Variants in SLC22A23 observed in about 807,000 individuals in gnomAD.
The protein encoded by SLC22A23 is ion transporter protein.
Under a neutral mutation model 61.0 loss-of-function variants are expected in SLC22A23, and 26 were observed. The observed-to-expected ratio is 0.43, with a 90% CI of 0.31 to 0.59. SLC22A23 has a LOEUF of 0.59. Ranked by LOEUF, SLC22A23 falls within the 20% of genes least tolerant of loss-of-function variation. The pLI is 0.11. For synonymous variants in SLC22A23, 430 were observed against 413.9 expected (o/e 1.04, Z -0.47); for missense variants, 796 against 934.7 (o/e 0.85, Z 1.94).
At chr6:3,384,284 T>A (rs2127478086) in intron 3 of SLC22A23, among the ~76,000 whole-genome samples, 1 of 152,372 alleles carries the variant, frequency 6.6e-6, no homozygotes. Flanking sequence ...CTATCATACG[T>A]CTGCTTTATA....
In SLC22A23 at chr6:3,456,087, G is replaced by T. The variant is rs764897263; in HGVS notation, c.473C>A (p.Thr158Asn). Residue 158 changes from threonine to asparagine, a missense_variant, in exon 1 of 10, where the codon ACC becomes AAC. Thr to Asn is a moderately conservative substitution (Grantham distance 65, BLOSUM62 0). Coordinates refer to ENST00000406686, the MANE Select transcript of SLC22A23 (RefSeq NM_015482.2). The surrounding 1 kb of genome is among the most constrained non-coding windows in gnomAD (Gnocchi z 7.1). ...CTCCCAGGGGGCAGTGGCGAAGGGG[G>T]TGGTGGGGAGGCTGGTCCAGTTGCC... ...DMGNWTSLPT[T>N]PFATAPWEAA... 11 of 1,550,456 alleles carry T rather than the reference G, an allele frequency of 7.1e-6. No individual in the cohort carries two copies. In the South Asian group the frequency reaches 1.3e-4, roughly 18 times the overall value.
intron 1 of SLC22A23, among the ~76,000 whole-genome samples, chr6:3,448,479 C>G (rs888553084): frequency 3.4e-5 from 5 of 146,124 alleles, no homozygotes; most frequent in African/African-American, 7.8e-5. Context: ...GAAAGTCCAC[C>G]ATGTTTTTTT....
At chr6:3,409,445 C>T (rs1369633089) in intron 3 of SLC22A23, among the ~76,000 whole-genome samples, 3 of 152,160 alleles carry the variant, frequency 2.0e-5, no homozygotes, top group African/African-American at 4.8e-5. Flanking sequence ...GACTCCTGTG[C>T]GTGTGGTCAA....
intron 3 of SLC22A23, among the ~76,000 whole-genome samples, chr6:3,379,523 C>T (rs1766818023): frequency 1.3e-5 from 2 of 151,846 alleles, no homozygotes; most frequent in African/African-American, 2.4e-5. Context: ...GGGAGGTGTG[C>T]GAGGGTGGGC....
chr6:3,352,648 T>C (rs1175286011), intron 3 of SLC22A23, among the ~76,000 whole-genome samples: 1 of 152,190 alleles, frequency 6.6e-6, no homozygotes, highest in Non-Finnish European at 1.5e-5. Context: ...ACCTGAATCA[T>C]GGAAAATGGA....
intron 4 of SLC22A23, among the ~76,000 whole-genome samples, chr6:3,315,167 C>CCA (rs1762567007): frequency 6.7e-6 from 1 of 149,420 alleles, no homozygotes. Flanking sequence ...GGGAAAAGTG[C>CCA]AAAAAAAAAA....
In SLC22A23 at chr6:3,327,893, G is replaced by A. The variant is rs988412862; in HGVS notation, c.914-3891C>T. 1.2e-4 allele frequency among the ~76,000 whole-genome samples: 18 copies of A among 152,194 alleles called. No homozygotes were observed. In the South Asian group the frequency reaches 1.9e-3, roughly 16 times the overall value. On this transcript the variant is annotated intron_variant, in intron 3 of 9. Transcript: ENST00000406686. This position sits in a 1 kb window ranked among gnomAD's most constrained non-coding sequence, Gnocchi z 4.1. ...GTGCATGAAACAAAGTTTTGACTGA[G>A]ACCCATCATATAAGGTCATGTGTGA...
intron 1 of SLC22A23, among the ~76,000 whole-genome samples, chr6:3,447,839 C>T (rs541006716): frequency 7.4e-4 from 111 of 149,890 alleles, no homozygotes; most frequent in African/African-American, 2.4e-3. Flanking sequence ...CCACCCACCT[C>T]GGCCTCCCAA....
intron 3 of SLC22A23, among the ~76,000 whole-genome samples, chr6:3,362,374 G>A (rs1176728916): frequency 1.5e-5 from 2 of 136,840 alleles, no homozygotes; most frequent in Non-Finnish European, 3.1e-5. Context: ...CTGCACTCCA[G>A]GCTGGGCGAC....
At chr6:3,364,859 G>C (rs778133521) in intron 3 of SLC22A23, among the ~76,000 whole-genome samples, 2 of 152,204 alleles carry the variant, frequency 1.3e-5, no homozygotes, top group Non-Finnish European at 2.9e-5. Context: ...TGAGGCATAG[G>C]TTTGGGTTTG....
At chr6:3,320,233 C>A (rs189672210) in intron 4 of SLC22A23, among the ~76,000 whole-genome samples, 1 of 152,112 alleles carries the variant, frequency 6.6e-6, no homozygotes, top group African/African-American at 2.4e-5. Flanking sequence ...AGCTCAGTGT[C>A]GTACTTCTAA....
chr6:3,396,503 C>A (rs368843407), intron 3 of SLC22A23, among the ~76,000 whole-genome samples: 1 of 152,122 alleles, frequency 6.6e-6, no homozygotes, highest in African/African-American at 2.4e-5. Context: ...GAGCCAAGAT[C>A]GCGCCACTGC....
chr6:3,326,993 A>T (rs950544581), intron 3 of SLC22A23, among the ~76,000 whole-genome samples: 3 of 135,272 alleles, frequency 2.2e-5, no homozygotes, highest in Non-Finnish European at 4.7e-5. Flanking sequence ...CTGCAGGTGG[A>T]TCGTTTCTGC....
At chr6:3,350,141 A>C (rs574268566) in intron 3 of SLC22A23, among the ~76,000 whole-genome samples, 1 of 152,182 alleles carries the variant, frequency 6.6e-6, no homozygotes, top group South Asian at 2.1e-4. Context: ...ACGATACTTA[A>C]CCCTTATTGT....
chr6:3,446,507 C>T (rs150328413), intron 1 of SLC22A23, among the ~76,000 whole-genome samples: 2 of 152,208 alleles, frequency 1.3e-5, no homozygotes, highest in East Asian at 3.8e-4. Context: ...AGCATCCTCC[C>T]TTGTTGAGTA....
chr6:3,378,046 T>C (rs1218785820), intron 3 of SLC22A23: 1 of 152,152 alleles, frequency 6.6e-6, no homozygotes, highest in Non-Finnish European at 1.5e-5. Context: ...GCAATGGTTG[T>C]TATGGAATCT....
At position 3,456,632 on chromosome 6, in the gene SLC22A23, C is replaced by CT. The variant is rs1772423986; in HGVS notation, c.-74_-73insA. The CT allele has an allele frequency of 1.1e-6, 1 of 938,720 alleles. No homozygotes were observed. The highest frequency in any genetic ancestry group is 1.8e-5 in the African/African-American group (1 of 55,938). The allele number at this position is 938,720 out of a possible 1,614,324, so 58.1% of individuals were successfully genotyped here. ...CTCCGCGGGCGCCCCGGGCACAGCG[C>CT]GCCGGGCCAGGCGCCTGCAGCCGCT... On this transcript the variant is annotated 5_prime_UTR_variant, in exon 1 of 10. Coordinates refer to ENST00000406686, the MANE Select transcript of SLC22A23 (RefSeq NM_015482.2). The surrounding 1 kb of genome is among the most constrained non-coding windows in gnomAD (Gnocchi z 7.1).
chr6:3,380,398 A>G (rs902999344), intron 3 of SLC22A23, among the ~76,000 whole-genome samples: 3 of 152,246 alleles, frequency 2.0e-5, no homozygotes, highest in Non-Finnish European at 4.4e-5. Context: ...GGAATAACTA[A>G]TTTGGATGCA....
At position 3,386,308 on chromosome 6, in the gene SLC22A23, G is replaced by A. The variant is rs541709101; in HGVS notation, c.913+23880C>T. Among the ~76,000 whole-genome samples, 4 of 152,288 alleles carry A rather than the reference G, an allele frequency of 2.6e-5. No homozygotes were observed. Among genetic ancestry groups the A allele is most frequent in the Admixed American group, 6.5e-5 (1 of 15,302 alleles). ...GGCAGAAAAGGCTGCTCAGGGTGGC[G>A]GTGGCCCAAGCTGGAGGGCAGACAA... On this transcript the variant is annotated intron_variant, in intron 3 of 9. Transcript: ENST00000406686. The surrounding 1 kb of genome is among the most constrained non-coding windows in gnomAD (Gnocchi z 4.4).
Sources: gnomAD v4.1 joint callset for allele counts (sites outside exome capture counted in the v4.1 genomes callset) on GRCh38, gnomAD v4.1.1 for gene constraint, Gnocchi (gnomAD v3.1) non-coding constraint, MANE v1.5 for transcripts, NCBI Gene and HGNC (gene_info 2026-07-23, HGNC 2026-07-21) for gene names.